The following RPS6KA5 variants were observed in gnomAD, a reference collection of about 807,000 sequenced individuals.
RPS6KA5 encodes the protein ribosomal protein S6 kinase A5, also known as ribosomal protein S6 kinase alpha-5.
Under a neutral mutation model 85.5 loss-of-function variants are expected in RPS6KA5, and 27 were observed. The ratio of observed to expected loss-of-function variants is 0.32; its 90% CI spans 0.23 to 0.44. RPS6KA5 has a LOEUF of 0.44. Ranked by LOEUF, RPS6KA5 falls within the 20% of genes least tolerant of loss-of-function variation. RPS6KA5 has a pLI of 1.00. For synonymous variants in RPS6KA5, 334 were observed against 348.2 expected, an observed-to-expected ratio of 0.96 and a Z score of 0.46; for missense variants, 811 against 980.9, an observed-to-expected ratio of 0.83 and a Z score of 2.31.
chr14:90,896,202 G>T (rs547143955), intron 12 of RPS6KA5, among the ~76,000 whole-genome samples: 2 of 152,304 alleles, frequency 1.3e-5, no homozygotes, highest in Admixed American at 1.3e-4. Flanking sequence ...GAGCTTGCAG[G>T]TCTGCTACAA....
chr14:90,961,453 A>T (rs1418989425), intron 3 of RPS6KA5, among the ~76,000 whole-genome samples: 1 of 152,178 alleles, frequency 6.6e-6, no homozygotes, highest in Non-Finnish European at 1.5e-5. Flanking sequence ...CAGCCTCATC[A>T]GGCAGTCGGA....
chr14:91,025,139 G>A (rs1163290106), intron 1 of RPS6KA5, among the ~76,000 whole-genome samples: 2 of 152,092 alleles, frequency 1.3e-5, no homozygotes, highest in African/African-American at 4.8e-5. Context: ...CAGCCCCCAG[G>A]GTTCAAGCAA....
chr14:91,054,604 T>A (rs1000588739), intron 1 of RPS6KA5, among the ~76,000 whole-genome samples: 3 of 147,266 alleles, frequency 2.0e-5, no homozygotes, highest in Admixed American at 6.9e-5. Context: ...GCCACTGCAT[T>A]CCACCTGGGC....
At chr14:91,052,751 G>A (rs1038876599) in intron 1 of RPS6KA5, among the ~76,000 whole-genome samples, 8 of 149,960 alleles carry the variant, frequency 5.3e-5, no homozygotes, top group Non-Finnish European at 1.2e-4. Flanking sequence ...GAGAAATGGC[G>A]TGAACCCAGG....
intron 3 of RPS6KA5, among the ~76,000 whole-genome samples, chr14:90,966,820 T>A (rs181592848): frequency 6.6e-6 from 1 of 152,294 alleles, no homozygotes; most frequent in East Asian, 1.9e-4. Flanking sequence ...TTCTTCATCT[T>A]AAGTTTCAGC....
chr14:91,059,358 T>C (rs980390937), intron 1 of RPS6KA5, among the ~76,000 whole-genome samples: 7 of 122,968 alleles, frequency 5.7e-5, no homozygotes, highest in Admixed American at 1.6e-4. Flanking sequence ...AAAAAAAAAA[T>C]CCCAATATGC....
At chr14:90,926,180 G>A (rs768912474) in intron 5 of RPS6KA5, among the ~76,000 whole-genome samples, 5 of 151,768 alleles carry the variant, frequency 3.3e-5, no homozygotes, top group Non-Finnish European at 7.4e-5. Flanking sequence ...TAAGGTGAGC[G>A]GATCACTTGA....
intron 3 of RPS6KA5, among the ~76,000 whole-genome samples, chr14:90,958,639 G>C (rs117789137): frequency 0.019 from 2,839 of 152,160 alleles, 34 homozygotes; most frequent in Non-Finnish European, 0.025. Flanking sequence ...CCTAAGGTTT[G>C]TTCATTTTAT....
At chr14:90,889,742 T>C (rs1463294556) in intron 14 of RPS6KA5, among the ~76,000 whole-genome samples, 2 of 152,178 alleles carry the variant, frequency 1.3e-5, no homozygotes, top group Non-Finnish European at 2.9e-5. Context: ...TATGTATACA[T>C]GTATAGAAAA....
At chr14:90,981,480 A>C (rs1465305078) in intron 2 of RPS6KA5, among the ~76,000 whole-genome samples, 1 of 152,202 alleles carries the variant, frequency 6.6e-6, no homozygotes, top group African/African-American at 2.4e-5. Context: ...ATATGCATGA[A>C]GTAGCATAGG....
At chr14:90,917,848 C>T (rs2036204382) in intron 7 of RPS6KA5, among the ~76,000 whole-genome samples, 1 of 152,186 alleles carries the variant, frequency 6.6e-6, no homozygotes, top group Admixed American at 6.5e-5. Flanking sequence ...AGGTGCACTA[C>T]TGCACATGTC....
In RPS6KA5 at chr14:91,023,082, T is replaced by TAAAAA. The variant is rs368649949; in HGVS notation, c.104-21928_104-21924dup. Among the ~76,000 whole-genome samples, 441 of 96,400 alleles carry TAAAAA rather than the reference T, an allele frequency of 4.6e-3. 4 individuals are homozygous for TAAAAA. Among genetic ancestry groups the TAAAAA allele is most frequent in the Middle Eastern group, 0.019 (3 of 156 alleles). The allele number at this position is 96,400 out of a possible 152,430, so 63.2% of individuals were successfully genotyped here. On this transcript the variant is annotated intron_variant, in intron 1 of 16. Transcript: ENST00000614987. ...CCTGGCAACAGAGTAAAACTCTATC[T>TAAAAA]AAAAAAAAAAAAAAAAAAAAGATTT... is the stretch of plus-strand genomic sequence containing the variant.
rs1490154177 is a variant in RPS6KA5 at position 90,854,984 on chromosome 14, T to C, written c.*17090A>G. ...ATCTTATTTACATTTTCTATAAAAG[T>C]ATTTTGAAGTTTTAAAAGTCTAATC... On this transcript the variant is annotated 3_prime_UTR_variant, in exon 17 of 17. Transcript: ENST00000614987. 1 of 152,214 alleles carries C rather than the reference T, an allele frequency of 6.6e-6. No homozygotes were observed. The highest frequency in any genetic ancestry group is 2.4e-5 in the African/African-American group (1 of 41,468). 9.4% of individuals were successfully genotyped at this position (152,214 alleles called of 1,614,324 possible). A position where few individuals can be genotyped will look rare whatever the true frequency, so the allele number is the denominator to read the frequency against.
chr14:90,984,857 C>G (rs2039989762), intron 2 of RPS6KA5, among the ~76,000 whole-genome samples: 1 of 152,162 alleles, frequency 6.6e-6, no homozygotes, highest in African/African-American at 2.4e-5. Flanking sequence ...TAAGCCAAGC[C>G]AAAGCAGTCT....
intron 1 of RPS6KA5, among the ~76,000 whole-genome samples, chr14:91,053,799 T>G (rs1430528364): frequency 1.3e-5 from 2 of 152,132 alleles, no homozygotes; most frequent in Non-Finnish European, 2.9e-5. Context: ...TTCAATGAGA[T>G]CCCTATCAGA....
intron 3 of RPS6KA5, among the ~76,000 whole-genome samples, chr14:90,973,151 G>T (rs1400013863): frequency 6.6e-6 from 1 of 152,126 alleles, no homozygotes; most frequent in Non-Finnish European, 1.5e-5. Flanking sequence ...ATTAGAGATG[G>T]CAAAAAAGGA....
At chr14:90,940,132 G>A (rs906360229) in intron 5 of RPS6KA5, among the ~76,000 whole-genome samples, 3 of 152,196 alleles carry the variant, frequency 2.0e-5, no homozygotes, top group East Asian at 1.9e-4. Context: ...AAGCATGATA[G>A]TATGTCCTCT....
chr14:91,058,651 C>G (rs1373642419), intron 1 of RPS6KA5, among the ~76,000 whole-genome samples: 1 of 152,164 alleles, frequency 6.6e-6, no homozygotes, highest in Non-Finnish European at 1.5e-5. Context: ...TAAATGTATA[C>G]TGAGTAAACC....
At chr14:90,968,439 T>C (rs570420626) in intron 3 of RPS6KA5, among the ~76,000 whole-genome samples, 393 of 152,310 alleles carry the variant, frequency 2.6e-3, no homozygotes, top group Non-Finnish European at 4.6e-3. Flanking sequence ...TTCTTTACCA[T>C]GTAGCTCAAC....
Sources: gnomAD v4.1 joint callset for allele counts (sites outside exome capture counted in the v4.1 genomes callset) on GRCh38, gnomAD v4.1.1 for gene constraint, MANE v1.5 for transcripts, NCBI Gene and HGNC (gene_info 2026-07-23, HGNC 2026-07-21) for gene names.